The following RAB3D variants were observed in gnomAD, a reference collection of about 807,000 sequenced individuals.
RAB3D encodes RAB3D, member RAS oncogene family.
RAB3D carries 17 observed loss-of-function variants against 19.3 expected under a neutral mutation model. That is an observed-to-expected ratio of 0.88 (90% CI 0.60 to 1.32). The LOEUF (loss-of-function observed/expected upper bound fraction) is 1.32, where lower values mean the gene tolerates loss of function less well. Among genes scored for constraint, RAB3D ranks in the 40% most tolerant of loss-of-function variants. The probability of loss-of-function intolerance (pLI) is 0.00; values close to 1 mark genes in which losing one functional copy is unlikely to be tolerated. For synonymous variants in RAB3D, 103 were observed against 119.9 expected, an observed-to-expected ratio of 0.86 and a Z score of 0.92; for missense variants, 223 against 299.1, an observed-to-expected ratio of 0.75 and a Z score of 1.88.
chr19:11,337,148 C>T (rs1377686658), intron 2 of RAB3D, 24 bp downstream of exon 2: 3 of 1,602,900 alleles, frequency 1.9e-6, no homozygotes, highest in Non-Finnish European at 2.6e-6. Context: ...CCACCCCCAA[C>T]CCACAGCCAG....
At position 11,337,406 on chromosome 19, in the gene RAB3D, A is replaced by G. The variant is rs1315880282; in HGVS notation, c.-7T>C. On this transcript the variant is annotated 5_prime_UTR_variant, in exon 2 of 5. Coordinates refer to ENST00000222120, the MANE Select transcript of RAB3D (RefSeq NM_004283.4). The stretch of plus-strand genomic sequence containing the variant: ...TGTCTCCAGCTGATGCCATCTTGGC[A>G]CAAGCCTCCTGGGACAGGGAGACCT... 1 of 1,612,142 alleles carries G rather than the reference A, an allele frequency of 6.2e-7. No homozygotes were observed. Among genetic ancestry groups the G allele is most frequent in the Non-Finnish European group, 8.5e-7 (1 of 1,178,276 alleles).
intron 2 of RAB3D, 146 bp from the exon 3 acceptor site, chr19:11,335,929 T>C (rs2080851567): frequency 4.1e-6 from 3 of 736,260 alleles, no homozygotes; most frequent in Non-Finnish European, 6.9e-6. Flanking sequence ...TGATGGAGAA[T>C]ACACAGATCC....
intron 2 of RAB3D, 79 bp downstream of exon 2, chr19:11,337,093 C>CAAA: frequency 9.7e-6 from 10 of 1,034,042 alleles, no homozygotes; most frequent in Non-Finnish European, 1.1e-5. Context: ...GACTCCGTCT[C>CAAA]AAAAAAAAAA....
chr19:11,336,167 G>A (rs1273947783), intron 2 of RAB3D, among the ~76,000 whole-genome samples: 4 of 152,186 alleles, frequency 2.6e-5, no homozygotes, highest in Non-Finnish European at 1.5e-5. Context: ...CACGATGATT[G>A]TTACCAGCGG....
chr19:11,334,294 A>G (rs1488185304), intron 4 of RAB3D, among the ~76,000 whole-genome samples: 1 of 151,390 alleles, frequency 6.6e-6, no homozygotes, highest in Admixed American at 6.6e-5. Context: ...ACATGGCAAA[A>G]CCCCATCTCT....
chr19:11,337,607 T>C, intron 1 of RAB3D, 147 bp from the exon 2 acceptor site: 1 of 556,952 alleles, frequency 1.8e-6, no homozygotes, highest in Non-Finnish European at 3.2e-6. Flanking sequence ...AAAAATGGGA[T>C]GTTTGTCACA....
At chr19:11,326,863 G>T (rs2080816671) in intron 4 of RAB3D, 1 of 627,984 alleles carries the variant, frequency 1.6e-6, no homozygotes, top group Non-Finnish European at 2.9e-6. Flanking sequence ...CCCCGCCTAG[G>T]CCTCCCAAAG....
At chr19:11,338,728 AAC>A (rs1170711432) in intron 1 of RAB3D, among the ~76,000 whole-genome samples, 1 of 152,060 alleles carries the variant, frequency 6.6e-6, no homozygotes, top group African/African-American at 2.4e-5. Flanking sequence ...CCACTTAATT[AAC>A]ACAACCCCAC....
Position 11,328,472 on chromosome 19 carries a change from C to A in RAB3D, c.473-2887G>T, listed in dbSNP as rs377721854. ...CGAGACCAGGGCCAATACGGTGAAA[C>A]CCCGTCTCTACTAAAAATACAAAAT... On this transcript the variant is annotated intron_variant, in intron 4 of 4. Transcript: ENST00000222120. 3.5e-4 allele frequency among the ~76,000 whole-genome samples: 53 copies of A among 151,950 alleles called. 3 individuals carry two copies. The East Asian group carries it at 7.9e-3, about 23-fold the overall frequency.
rs1379484354 is a variant in RAB3D at position 11,322,758 on chromosome 19, A to T, written c.*2640T>A. On this transcript the variant is annotated 3_prime_UTR_variant, in exon 5 of 5. Transcript: ENST00000222120. ...CTACTTGAAGTTGAATTCTTGAAAA[A>T]TCTTATGTAAACAGAAAGCTTAGGC... The T allele has an allele frequency of 1.3e-5, 2 of 152,212 alleles. No individual in the cohort carries two copies. Among genetic ancestry groups the T allele is most frequent in the East Asian group, 1.9e-4 (1 of 5,204 alleles). The allele number at this position is 152,212 out of a possible 1,614,324, so 9.4% of individuals were successfully genotyped here. A position where few individuals can be genotyped will look rare whatever the true frequency, so the allele number is the denominator to read the frequency against.
chr19:11,331,442 C>G (rs1159613308), intron 4 of RAB3D, among the ~76,000 whole-genome samples: 2 of 150,672 alleles, frequency 1.3e-5, no homozygotes, highest in Non-Finnish European at 3.0e-5. Flanking sequence ...TGCCGTGGCT[C>G]ATGCCTGTAA....
rs144965675 is a variant in RAB3D at position 11,337,342 on chromosome 19, C to G, written c.58G>C (p.Asp20His). 1 of 1,614,156 alleles carries G rather than the reference C, an allele frequency of 6.2e-7. No individual in the cohort carries two copies. The highest frequency in any genetic ancestry group is 8.5e-7 in the Non-Finnish European group (1 of 1,180,032). ...GPRDAADQNF[D>H]YMFKLLLIGN... The stretch of plus-strand genomic sequence containing the variant: ...ATCAGTAGCAGTTTGAACATATAGT[C>G]GAAGTTCTGATCTGCTGCATCCCGT... Residue 20 changes from aspartate (D) to histidine (H), a missense_variant, in exon 2 of 5, where the codon GAC becomes CAC. Coordinates refer to ENST00000222120, the MANE Select transcript of RAB3D (RefSeq NM_004283.4).
chr19:11,325,254 AG>A lies in RAB3D; in HGVS notation c.*143del. 1 of 605,982 alleles carries A rather than the reference AG, an allele frequency of 1.7e-6. No homozygotes were observed. The allele number at this position is 605,982 out of a possible 1,614,324, so 37.5% of individuals were successfully genotyped here. Reference sequence around the variant, plus strand: ...CCTGGCAGCCACGGCGACATTGTGAAGGAATGAGCCATGCAGGAGTCGGGGA... The same window carrying A: ...CCTGGCAGCCACGGCGACATTGTGAAGAATGAGCCATGCAGGAGTCGGGGA... On this transcript the variant is annotated 3_prime_UTR_variant, in exon 5 of 5. Coordinates refer to ENST00000222120, the MANE Select transcript of RAB3D (RefSeq NM_004283.4).
rs779073063 is a variant in RAB3D at position 11,322,742 on chromosome 19, G to A, written c.*2656C>T. ...GCAGCTCTCTCGGCTGCTACTTGAA[G>A]TTGAATTCTTGAAAAATCTTATGTA... is the stretch of plus-strand genomic sequence containing the variant. On this transcript the variant is annotated 3_prime_UTR_variant, in exon 5 of 5. Coordinates refer to ENST00000222120, the MANE Select transcript of RAB3D (RefSeq NM_004283.4). 6.6e-6 allele frequency: 1 copy of A among 152,208 alleles called. No homozygotes were observed. Among genetic ancestry groups the A allele is most frequent in the East Asian group, 1.9e-4 (1 of 5,202 alleles). 9.4% of individuals were successfully genotyped at this position (152,208 alleles called of 1,614,324 possible).
rs375844342 is a variant in RAB3D at position 11,324,029 on chromosome 19, A to T, written c.*1369T>A. ...GGAGGTGGGGACCCCAGCTTCAGAG[A>T]CTCCCCGGCACTGATCACAGTCCAT... On this transcript the variant is annotated 3_prime_UTR_variant, in exon 5 of 5. Coordinates refer to ENST00000222120, the MANE Select transcript of RAB3D (RefSeq NM_004283.4). The T allele has an allele frequency of 6.6e-6, 1 of 151,590 alleles. No homozygotes were observed. The highest frequency in any genetic ancestry group is 1.5e-5 in the Non-Finnish European group (1 of 67,976). The allele number at this position is 151,590 out of a possible 1,614,324, so 9.4% of individuals were successfully genotyped here. A position where few individuals can be genotyped will look rare whatever the true frequency, so the allele number is the denominator to read the frequency against.
At position 11,325,368 on chromosome 19, in the gene RAB3D, GA is replaced by G; in HGVS notation, c.*29del. ...GATCACAGTCCCTGCCGAGGCAGGA[GA>G]GGGGTGGGTGGGGGGTTGGGGGCCA... On this transcript the variant is annotated 3_prime_UTR_variant, in exon 5 of 5. Coordinates refer to ENST00000222120, the MANE Select transcript of RAB3D (RefSeq NM_004283.4). The G allele has an allele frequency of 7.0e-7, 1 of 1,431,560 alleles. No individual in the cohort carries two copies. Among genetic ancestry groups the G allele is most frequent in the Non-Finnish European group, 9.5e-7 (1 of 1,057,008 alleles). The allele number at this position is 1,431,560 out of a possible 1,614,324, so 88.7% of individuals were successfully genotyped here. A position where few individuals can be genotyped will look rare whatever the true frequency, so the allele number is the denominator to read the frequency against.
At position 11,325,502 on chromosome 19, in the gene RAB3D, T is replaced by G; in HGVS notation, c.556A>C (p.Lys186Gln). The change falls in exon 5 of 5, where the codon AAG (lysine) becomes CAG (glutamine). Residue 186 changes from lysine (K) to glutamine (Q), a missense_variant. Transcript: ENST00000222120. The stretch of plus-strand genomic sequence containing the variant: ...CTGGGTTCCAGGGACTCGTTCATCT[T>G]CTCGCAGATGACATCCACCAGGCGC... ...FERLVDVICE[K>Q]MNESLEPSSS... 6.2e-7 allele frequency: 1 copy of G among 1,613,672 alleles called. No individual in the cohort carries two copies. The highest frequency in any genetic ancestry group is 8.5e-7 in the Non-Finnish European group (1 of 1,179,966).
intron 4 of RAB3D, among the ~76,000 whole-genome samples, chr19:11,327,291 G>C (rs1389682526): frequency 6.6e-6 from 1 of 152,186 alleles, no homozygotes; most frequent in African/African-American, 2.4e-5. Flanking sequence ...CATGAACTTA[G>C]ATCTCCTACT....
chr19:11,338,836 T>C (rs540495290), intron 1 of RAB3D, among the ~76,000 whole-genome samples: 8 of 152,306 alleles, frequency 5.3e-5, no homozygotes, highest in Middle Eastern at 3.4e-3. Flanking sequence ...TGCTGCTTCA[T>C]CCGAGTCCAA....
Sources: allele counts gnomAD v4.1 joint callset (sites outside exome capture counted in the v4.1 genomes callset), GRCh38; gene constraint gnomAD v4.1.1; transcripts MANE v1.5; gene names NCBI Gene and HGNC (gene_info 2026-07-23, HGNC 2026-07-21).